The following CSMD1 variants were observed in gnomAD, a reference collection of about 807,000 sequenced individuals.
CSMD1 encodes the protein CUB and sushi domain-containing protein 1.
Under a neutral mutation model 417.5 loss-of-function variants are expected in CSMD1, and 213 were observed. The ratio of observed to expected loss-of-function variants is 0.51; its 90% CI spans 0.46 to 0.57. The LOEUF (loss-of-function observed/expected upper bound fraction) is 0.57, where lower values mean the gene tolerates loss of function less well. Among genes scored for constraint, CSMD1 ranks in the 20% least tolerant of loss-of-function variants. CSMD1 has a pLI of 0.00. For missense variants in CSMD1, 6,923 were observed against 4,529.7 expected (o/e 1.53, Z -15.17); for synonymous variants, 2,862 against 1,736.8 (o/e 1.65, Z -16.11).
chr8:3,917,136 G>GTCATAAAAGAT (rs1216315195), intron 5 of CSMD1, among the ~76,000 whole-genome samples: 1 of 152,176 alleles, frequency 6.6e-6, no homozygotes, highest in African/African-American at 2.4e-5. Flanking sequence ...CTAAGAGAAT[G>GTCATAAAAGAT]AGTGCTTACC....
rs564622151 is a variant in CSMD1, at chr8:3,425,503, G to A, written c.1562-15898C>T. Among the ~76,000 whole-genome samples, 278 of 149,874 alleles carry A rather than the reference G, an allele frequency of 1.9e-3. 4 individuals are homozygous for A. Among genetic ancestry groups the A allele is most frequent in the South Asian group, 0.011 (51 of 4,758 alleles). On this transcript the variant is annotated intron_variant, in intron 12 of 69. Transcript: ENST00000635120. ...CTTGGGAGGCTGAGGCAGGAGAACC[G>A]CTTGAACCCAGGAGGTGGAGGTTGC...
intron 7 of CSMD1, among the ~76,000 whole-genome samples, chr8:3,660,046 G>A (rs1374917311): frequency 2.0e-5 from 3 of 152,120 alleles, no homozygotes; most frequent in Non-Finnish European, 4.4e-5. Context: ...CTGTCCCTGT[G>A]TTCAGCAACA....
chr8:3,529,754 A>G (rs1462743045), intron 10 of CSMD1, among the ~76,000 whole-genome samples: 1 of 152,202 alleles, frequency 6.6e-6, no homozygotes. Flanking sequence ...GAATTTAGCC[A>G]TGCAAAATGC....
intron 26 of CSMD1, among the ~76,000 whole-genome samples, chr8:3,245,026 G>A (rs1212331462): frequency 2.0e-5 from 3 of 152,198 alleles, no homozygotes; most frequent in Non-Finnish European, 2.9e-5. Context: ...GTGCTCAAAA[G>A]GACAGGAGGG....
chr8:3,552,416 C>A (rs530460631), intron 10 of CSMD1, among the ~76,000 whole-genome samples: 1 of 151,974 alleles, frequency 6.6e-6, no homozygotes, highest in Non-Finnish European at 1.5e-5. Flanking sequence ...CAGTTCATAA[C>A]AATTTGTGTA....
chr8:3,308,447 G>T lies in CSMD1; in HGVS notation c.3688C>A (p.Arg1230Ser). 6.2e-7 allele frequency: 1 copy of T among 1,613,680 alleles called. No individual in the cohort carries two copies. Among genetic ancestry groups the T allele is most frequent in the South Asian group, 1.1e-5 (1 of 91,036 alleles). Residue 1230 changes from arginine (R) to serine (S), a missense_variant, in exon 24 of 70, where the codon CGT becomes AGT. Physicochemically the swap from Arg to Ser is moderately radical, Grantham distance 110. Transcript: ENST00000635120. ...PGIPNYGYRI[R>S]DEGHFTDTVV... Reference sequence around the variant, plus strand: ...GTGTCGGTAAAGTGGCCTTCATCACGGATCCTATAGCCGTAGTTAGGGATG... The same window carrying T: ...GTGTCGGTAAAGTGGCCTTCATCACTGATCCTATAGCCGTAGTTAGGGATG...
At chr8:3,151,705 A>G (rs1819206142) in intron 39 of CSMD1, among the ~76,000 whole-genome samples, 192 bp from the exon 40 acceptor site, 1 of 152,206 alleles carries the variant, frequency 6.6e-6, no homozygotes, top group Non-Finnish European at 1.5e-5. Flanking sequence ...TTGACAGTGA[A>G]CTGCTTTAGA....
chr8:4,430,135 C>G (rs1278705740), intron 2 of CSMD1, among the ~76,000 whole-genome samples: 2 of 152,134 alleles, frequency 1.3e-5, no homozygotes, highest in African/African-American at 2.4e-5. Context: ...TGTGCTGATT[C>G]CACAAAGCAA....
At chr8:4,512,970 G>T (rs994772389) in intron 2 of CSMD1, among the ~76,000 whole-genome samples, 1 of 152,158 alleles carries the variant, frequency 6.6e-6, no homozygotes, top group African/African-American at 2.4e-5. Flanking sequence ...GGGAAACAGT[G>T]AACAGGTCAG....
intron 3 of CSMD1, among the ~76,000 whole-genome samples, chr8:4,069,620 G>A (rs1429838339): frequency 6.6e-6 from 1 of 152,100 alleles, no homozygotes; most frequent in Non-Finnish European, 1.5e-5. Flanking sequence ...CATCTGGCCT[G>A]TATTCCCCTC....
At chr8:4,566,843 T>C (rs1798637448) in intron 2 of CSMD1, among the ~76,000 whole-genome samples, 1 of 151,680 alleles carries the variant, frequency 6.6e-6, no homozygotes, top group Non-Finnish European at 1.5e-5. Flanking sequence ...TGTATGAAGA[T>C]ATAGCTCCAT....
intron 1 of CSMD1, among the ~76,000 whole-genome samples, chr8:4,651,912 T>G (rs1249302359): frequency 6.6e-6 from 1 of 152,172 alleles, no homozygotes; most frequent in East Asian, 1.9e-4. Context: ...ATCTTTCATG[T>G]GCTAGTATGA....
rs1409700451 is a variant in CSMD1, at chr8:3,677,758, A to C, written c.1009+30656T>G. Among the ~76,000 whole-genome samples the C allele has an allele frequency of 2.0e-5, 3 of 152,206 alleles. No individual in the cohort carries two copies. In the East Asian group the frequency reaches 5.8e-4, roughly 29 times the overall value. On this transcript the variant is annotated intron_variant, in intron 7 of 69. Coordinates refer to ENST00000635120, the MANE Select transcript of CSMD1 (RefSeq NM_033225.6). Reference sequence around the variant, plus strand: ...AAAAGCCCTAAACTTTGTAAAACGGAAATGAAAACTTCTATCCAGAGTATA... The same window carrying C: ...AAAAGCCCTAAACTTTGTAAAACGGCAATGAAAACTTCTATCCAGAGTATA...
At chr8:4,228,855 T>C (rs1434416473) in intron 3 of CSMD1, among the ~76,000 whole-genome samples, 1 of 152,030 alleles carries the variant, frequency 6.6e-6, no homozygotes, top group Non-Finnish European at 1.5e-5. Context: ...CTAATTTTTG[T>C]ATTTTTAGTA....
chr8:4,236,590 C>G (rs1407945295), intron 3 of CSMD1, among the ~76,000 whole-genome samples: 5 of 152,134 alleles, frequency 3.3e-5, no homozygotes, highest in South Asian at 2.1e-4. Flanking sequence ...AATGAGCTGA[C>G]AAATTTAAGC....
At chr8:3,287,415 T>C (rs935261086) in intron 25 of CSMD1, among the ~76,000 whole-genome samples, 1 of 152,176 alleles carries the variant, frequency 6.6e-6, no homozygotes, top group Non-Finnish European at 1.5e-5. Flanking sequence ...TTCACAATAT[T>C]GATTCTTCCT....
At chr8:3,561,971 G>T (rs1429533870) in intron 10 of CSMD1, among the ~76,000 whole-genome samples, 3 of 152,130 alleles carry the variant, frequency 2.0e-5, no homozygotes, top group Non-Finnish European at 4.4e-5. Context: ...GTGCACTGCA[G>T]GGCTTGCCTT....
intron 12 of CSMD1, among the ~76,000 whole-genome samples, chr8:3,413,339 G>A (rs1259935202): frequency 1.3e-5 from 2 of 152,108 alleles, no homozygotes; most frequent in Non-Finnish European, 2.9e-5. Context: ...GAGGGTGAGG[G>A]TCTTTCTGCT....
chr8:4,103,210 A>C (rs1801394245), intron 3 of CSMD1, among the ~76,000 whole-genome samples: 1 of 151,708 alleles, frequency 6.6e-6, no homozygotes, highest in South Asian at 2.1e-4. Context: ...CAAAAAGGTA[A>C]ATATATATAA....
Sources: allele counts gnomAD v4.1 joint callset (sites outside exome capture counted in the v4.1 genomes callset), GRCh38; gene constraint gnomAD v4.1.1; transcripts MANE v1.5; gene names NCBI Gene and HGNC (gene_info 2026-07-23, HGNC 2026-07-21).